Variants in GEMIN2 observed in about 807,000 individuals in gnomAD.
GEMIN2 encodes the protein gem-associated protein 2.
In GEMIN2, 37 loss-of-function variants were observed where a neutral mutation model predicts 45.8. The observed-to-expected ratio is 0.81, with a 90% CI of 0.62 to 1.06. The LOEUF is 1.06. Among genes scored for constraint, GEMIN2 ranks in the 50% least tolerant of loss-of-function variants. The pLI is 0.00. For synonymous variants in GEMIN2, 101 were observed against 111.5 expected (o/e 0.91, Z 0.60); for missense variants, 335 against 321.8 (o/e 1.04, Z -0.31).
At chr14:39,117,834 A>G (rs1189216219) in intron 2 of GEMIN2, among the ~76,000 whole-genome samples, 165 bp from the exon 3 acceptor site, 4 of 152,356 alleles carry the variant, frequency 2.6e-5, no homozygotes, top group African/African-American at 9.6e-5. Flanking sequence ...TATAAATAAT[A>G]AAGTGAAATG....
chr14:39,116,737 C>T (rs1339334302), intron 2 of GEMIN2, among the ~76,000 whole-genome samples: 1 of 151,854 alleles, frequency 6.6e-6, no homozygotes, highest in African/African-American at 2.4e-5. Flanking sequence ...TCTTAATATA[C>T]CTAATTTGAT....
At chr14:39,120,966 G>A (rs1015412007) in intron 4 of GEMIN2, among the ~76,000 whole-genome samples, 1 of 152,188 alleles carries the variant, frequency 6.6e-6, no homozygotes, top group African/African-American at 2.4e-5. Flanking sequence ...AGGTTATTTT[G>A]TTAAGGAGGT....
chr14:39,118,666 C>A, intron 4 of GEMIN2, 67 bp downstream of exon 4: 1 of 708,058 alleles, frequency 1.4e-6, no homozygotes, highest in Non-Finnish European at 2.6e-6. Flanking sequence ...TATTTACTTC[C>A]AGTCGTTAAA....
At chr14:39,118,909 G>A (rs960695284) in intron 4 of GEMIN2, among the ~76,000 whole-genome samples, 10 of 151,160 alleles carry the variant, frequency 6.6e-5, no homozygotes, top group Non-Finnish European at 1.3e-4. Context: ...CAAGTAGCTC[G>A]AACTTAAGGC....
intron 3 of GEMIN2, 53 bp from the exon 4 acceptor site, chr14:39,118,487 A>G: frequency 1.2e-6 from 1 of 823,318 alleles, no homozygotes; most frequent in Non-Finnish European, 2.1e-6. Context: ...AACTGATTTC[A>G]GTTATCCATT....
intron 7 of GEMIN2, among the ~76,000 whole-genome samples, chr14:39,131,488 T>C (rs556280929): frequency 6.6e-6 from 1 of 152,316 alleles, no homozygotes; most frequent in Admixed American, 6.5e-5. Flanking sequence ...GGGGATACAT[T>C]GAGCCTGTCA....
At position 39,133,669 on chromosome 14, in the gene GEMIN2, AGAT is replaced by A. The variant is rs769989851; in HGVS notation, c.726_728del (p.Asp242del). ...TCTTTTTTTTTTTTTAGGATAGCAAAGATGATGAGAGGGTTCCTGCTTTGAATT... is the reference window on the plus strand; with the variant it reads ...TCTTTTTTTTTTTTTAGGATAGCAAAGATGAGAGGGTTCCTGCTTTGAATT... On this transcript the variant is annotated inframe_deletion, in exon 9 of 10. Coordinates refer to ENST00000308317, the MANE Select transcript of GEMIN2 (RefSeq NM_003616.3). 8.0e-6 allele frequency: 12 copies of A among 1,499,820 alleles called. No homozygotes were observed. The highest frequency in any genetic ancestry group is 1.4e-5 in the African/African-American group (1 of 70,602). 92.9% of individuals were successfully genotyped at this position (1,499,820 alleles called of 1,614,324 possible).
At chr14:39,122,394 C>T in intron 4 of GEMIN2, 36 bp from the exon 5 acceptor site, 1 of 1,059,240 alleles carries the variant, frequency 9.4e-7, no homozygotes, top group South Asian at 1.4e-5. Flanking sequence ...AAAATTAATA[C>T]ACAGGAATAA....
intron 7 of GEMIN2, among the ~76,000 whole-genome samples, chr14:39,129,929 A>AGTTT (rs1253955041): frequency 7.6e-6 from 1 of 131,574 alleles, no homozygotes; most frequent in Admixed American, 7.7e-5. Context: ...ATTGCAGACA[A>AGTTT]GTTTGTTTTT....
chr14:39,132,195 A>C, intron 8 of GEMIN2, 127 bp downstream of exon 8: 1 of 648,170 alleles, frequency 1.5e-6, no homozygotes. Context: ...TGTAAAGCCC[A>C]AAATAATAGT....
intron 8 of GEMIN2, among the ~76,000 whole-genome samples, chr14:39,132,709 C>A: frequency 8.3e-6 from 1 of 120,842 alleles, no homozygotes; most frequent in African/African-American, 3.1e-5. Flanking sequence ...GATGGAGTCT[C>A]GCTCTGTCAC....
chr14:39,119,556 GA>G (rs35221397), intron 4 of GEMIN2, among the ~76,000 whole-genome samples: 14,373 of 151,928 alleles, frequency 0.095, 894 homozygotes, highest in East Asian at 0.32. Context: ...TCTTCAGAGG[GA>G]AAAAAAATGC....
At chr14:39,131,048 A>C (rs899995240) in intron 7 of GEMIN2, among the ~76,000 whole-genome samples, 1 of 152,084 alleles carries the variant, frequency 6.6e-6, no homozygotes, top group African/African-American at 2.4e-5. Context: ...CTGTAATCTC[A>C]CCACTTTGGG....
intron 2 of GEMIN2, among the ~76,000 whole-genome samples, chr14:39,115,901 A>G (rs929780574): frequency 6.6e-6 from 1 of 152,246 alleles, no homozygotes; most frequent in African/African-American, 2.4e-5. Context: ...TGTAGAGTTT[A>G]CATACCCTCC....
At chr14:39,121,786 T>C (rs2052575664) in intron 4 of GEMIN2, 1 of 154,006 alleles carries the variant, frequency 6.5e-6, no homozygotes, top group Non-Finnish European at 1.4e-5. Flanking sequence ...CAATCTCTGC[T>C]CACTGCAGCC....
At chr14:39,118,925 C>G (rs1169881748) in intron 4 of GEMIN2, among the ~76,000 whole-genome samples, 1 of 151,606 alleles carries the variant, frequency 6.6e-6, no homozygotes, top group East Asian at 1.9e-4. Context: ...AAGGCATATA[C>G]CACCATGCCC....
At chr14:39,129,219 G>A (rs906676643) in intron 7 of GEMIN2, among the ~76,000 whole-genome samples, 1 of 152,120 alleles carries the variant, frequency 6.6e-6, no homozygotes, top group Non-Finnish European at 1.5e-5. Flanking sequence ...ATATAGGTTT[G>A]TAGCCTAGGA....
chr14:39,121,420 G>A (rs1566531443), intron 4 of GEMIN2, among the ~76,000 whole-genome samples: 1 of 152,088 alleles, frequency 6.6e-6, no homozygotes, highest in Non-Finnish European at 1.5e-5. Flanking sequence ...TGTAGTCCCA[G>A]CTACTCAAGA....
intron 8 of GEMIN2, 40 bp downstream of exon 8, chr14:39,132,108 C>A (rs779178741): frequency 2.3e-6 from 2 of 881,518 alleles, no homozygotes; most frequent in Non-Finnish European, 3.8e-6. Context: ...AAGCACCCAC[C>A]AATTTATATG....
Sources: gnomAD v4.1 joint callset for allele counts (sites outside exome capture counted in the v4.1 genomes callset) on GRCh38, gnomAD v4.1.1 for gene constraint, MANE v1.5 for transcripts, NCBI Gene and HGNC (gene_info 2026-07-23, HGNC 2026-07-21) for gene names.